MCTP1: variants seen among roughly 807,000 people sequenced by gnomAD.
MCTP1 encodes the protein multiple C2 and transmembrane domain-containing protein 1.
A neutral mutation model predicts 120.6 loss-of-function variants in MCTP1; 69 were observed. The observed-to-expected ratio is 0.57, with a 90% CI of 0.47 to 0.70. The LOEUF (loss-of-function observed/expected upper bound fraction) is 0.70. MCTP1 is among the 30% of genes least tolerant of loss of function. The pLI is 0.00. For missense variants in MCTP1, 1,203 were observed against 1,248.8 expected, an observed-to-expected ratio of 0.96 and a Z score of 0.55; for synonymous variants, 529 against 493.1, an observed-to-expected ratio of 1.07 and a Z score of -0.96.
intron 1 of MCTP1, among the ~76,000 whole-genome samples, chr5:95,266,429 C>G (rs936319886): frequency 6.6e-6 from 1 of 152,170 alleles, no homozygotes; most frequent in African/African-American, 2.4e-5. Context: ...ATACCACAAC[C>G]TTTGTTAGTT....
intron 1 of MCTP1, among the ~76,000 whole-genome samples, chr5:95,147,753 G>T (rs1010629170): frequency 3.3e-5 from 5 of 152,120 alleles, no homozygotes; most frequent in African/African-American, 1.2e-4. Context: ...GTTGTTAACT[G>T]GTTGTTTTGT....
chr5:95,172,054 T>C (rs1747375680), intron 1 of MCTP1, among the ~76,000 whole-genome samples: 1 of 152,326 alleles, frequency 6.6e-6, no homozygotes, highest in Non-Finnish European at 1.5e-5. Flanking sequence ...CTACCTTTGA[T>C]CTTTGATGAT....
intron 21 of MCTP1, chr5:94,708,816 C>A: frequency 4.5e-6 from 2 of 448,936 alleles, no homozygotes; most frequent in East Asian, 7.4e-5. Flanking sequence ...GCAGGAAAGG[C>A]TTTCTATGTG....
intron 1 of MCTP1, among the ~76,000 whole-genome samples, chr5:95,222,351 C>T (rs987392188): frequency 6.6e-6 from 1 of 152,172 alleles, no homozygotes; most frequent in East Asian, 1.9e-4. Context: ...TCTGTTATAT[C>T]TATACTGAAT....
chr5:94,795,630 G>A (rs1187716494), intron 18 of MCTP1, among the ~76,000 whole-genome samples: 1 of 152,186 alleles, frequency 6.6e-6, no homozygotes, highest in Non-Finnish European at 1.5e-5. Flanking sequence ...AATGAAGCAT[G>A]TCTTAAATGG....
intron 1 of MCTP1, among the ~76,000 whole-genome samples, chr5:95,222,123 C>T (rs1293971831): frequency 6.6e-6 from 1 of 152,112 alleles, no homozygotes; most frequent in African/African-American, 2.4e-5. Flanking sequence ...GGGATGGCAC[C>T]CCATGAGGTC....
At chr5:94,978,569 T>C (rs973320091) in intron 2 of MCTP1, among the ~76,000 whole-genome samples, 1 of 152,106 alleles carries the variant, frequency 6.6e-6, no homozygotes, top group Non-Finnish European at 1.5e-5. Context: ...TGGATGAAAC[T>C]TGAAGACATT....
rs199906190 is a variant in MCTP1 at position 95,227,798 on chromosome 5, TA to T, written c.720+56057del. On this transcript the variant is annotated intron_variant, in intron 1 of 22. Transcript: ENST00000515393. ...CATTATGAATTAACAAATTGTTGCT[TA>T]AAAAAAAGGATGCAAAGCATTTATC... is the stretch of plus-strand genomic sequence containing the variant. Among the ~76,000 whole-genome samples the T allele has an allele frequency of 9.7e-4, 148 of 151,898 alleles. 1 individual carries two copies. The highest frequency in any genetic ancestry group is 6.8e-3 in the East Asian group (35 of 5,182).
chr5:94,743,631 ATTTTTTTT>A (rs34620641), intron 19 of MCTP1, among the ~76,000 whole-genome samples: 7 of 86,656 alleles, frequency 8.1e-5, no homozygotes, highest in African/African-American at 2.4e-4. Context: ...CAAAATCCAC[ATTTTTTTT>A]TTTTTTTTTT....
chr5:94,851,186 T>C (rs1793629490), intron 17 of MCTP1, among the ~76,000 whole-genome samples: 1 of 152,110 alleles, frequency 6.6e-6, no homozygotes, highest in African/African-American at 2.4e-5. Flanking sequence ...AAAATGCAGA[T>C]CTTTAAAACT....
chr5:94,941,721 C>G (rs965931414), intron 4 of MCTP1, among the ~76,000 whole-genome samples: 2 of 151,858 alleles, frequency 1.3e-5, no homozygotes, highest in African/African-American at 4.8e-5. Context: ...TTCTTAGTTC[C>G]TATGTTGAAA....
intron 17 of MCTP1, among the ~76,000 whole-genome samples, chr5:94,821,600 A>G (rs977881151): frequency 6.6e-6 from 1 of 152,206 alleles, no homozygotes; most frequent in Non-Finnish European, 1.5e-5. Flanking sequence ...CAGTACAAAT[A>G]AAAAGCCTAC....
chr5:95,211,598 A>C (rs1007817700), intron 1 of MCTP1, among the ~76,000 whole-genome samples: 1 of 152,180 alleles, frequency 6.6e-6, no homozygotes, highest in African/African-American at 2.4e-5. Context: ...CAAAGTTTTC[A>C]ACCTCTTTGC....
rs573335885 is a variant in MCTP1, at chr5:94,743,890, C to T, written c.2611-29004G>A. On this transcript the variant is annotated intron_variant, in intron 19 of 22. Transcript: ENST00000515393. ...TTCTGACCTTGTGATCTGTCCACCT[C>T]GGTCTCCCAAAGTGCTAGGATTACA... 3.3e-5 allele frequency among the ~76,000 whole-genome samples: 5 copies of T among 152,120 alleles called. No homozygotes were observed. The East Asian group carries it at 5.8e-4, about 18-fold the overall frequency.
chr5:95,204,386 A>C (rs1751394646), intron 1 of MCTP1, among the ~76,000 whole-genome samples: 1 of 152,154 alleles, frequency 6.6e-6, no homozygotes, highest in African/African-American at 2.4e-5. Context: ...GGTAAAGGGC[A>C]TCCAAAAAAA....
chr5:94,868,320 A>G lies in MCTP1; in HGVS notation c.2436+13T>C, dbSNP rs1051001023. Reference sequence around the variant, plus strand: ...TAATGAATAACAATGTAAGTAATACAGTATGATCATACCACAAAAGCAGCG... The same window carrying G: ...TAATGAATAACAATGTAAGTAATACGGTATGATCATACCACAAAAGCAGCG... On this transcript the variant is annotated intron_variant, in intron 17 of 22. Transcript: ENST00000515393. The G allele has an allele frequency of 1.3e-6, 2 of 1,587,940 alleles. No individual in the cohort carries two copies. Among genetic ancestry groups the G allele is most frequent in the South Asian group, 1.2e-5 (1 of 85,750 alleles).
intron 1 of MCTP1, among the ~76,000 whole-genome samples, chr5:95,041,092 G>A (rs1309676172): frequency 6.6e-6 from 1 of 151,398 alleles, no homozygotes; most frequent in Non-Finnish European, 1.5e-5. Flanking sequence ...TTTGTTACTT[G>A]CAACCCAAAG....
At chr5:95,160,443 T>C (rs1026506566) in intron 1 of MCTP1, among the ~76,000 whole-genome samples, 1 of 152,246 alleles carries the variant, frequency 6.6e-6, no homozygotes, top group Non-Finnish European at 1.5e-5. Context: ...ACATTTGCCA[T>C]GTTCTAGGCA....
Position 94,769,540 on chromosome 5 carries a change from T to C in MCTP1, c.2610+9570A>G, listed in dbSNP as rs374433183. On this transcript the variant is annotated intron_variant, in intron 19 of 22. Coordinates refer to ENST00000515393, the MANE Select transcript of MCTP1 (RefSeq NM_024717.7). ...CCCCATGAGGTTTTCATATCTATTA[T>C]AGCTTTATATTAATTGTGGAGTATG... Among the ~76,000 whole-genome samples, 11 of 152,306 alleles carry C rather than the reference T, an allele frequency of 7.2e-5. No homozygotes were observed. In the East Asian group the frequency reaches 1.5e-3, roughly 21 times the overall value.
Sources: gnomAD v4.1 joint callset for allele counts (sites outside exome capture counted in the v4.1 genomes callset) on GRCh38, gnomAD v4.1.1 for gene constraint, MANE v1.5 for transcripts, NCBI Gene and HGNC (gene_info 2026-07-23, HGNC 2026-07-21) for gene names.